Variants in PALS1 observed in about 807,000 individuals in gnomAD.
PALS1 encodes the protein protein PALS1.
Under a neutral mutation model 78.9 loss-of-function variants are expected in PALS1, and 31 were observed. The observed-to-expected ratio is 0.39, with a 90% CI of 0.30 to 0.53. PALS1 has a LOEUF of 0.53. PALS1 is among the 20% of genes least tolerant of loss of function. PALS1 has a pLI of 0.67. For missense variants in PALS1, 704 were observed against 826.5 expected, an observed-to-expected ratio of 0.85 and a Z score of 1.82; for synonymous variants, 276 against 270.9, an observed-to-expected ratio of 1.02 and a Z score of -0.18.
intron 3 of PALS1, among the ~76,000 whole-genome samples, chr14:67,281,088 C>T (rs149185738): frequency 0.011 from 1,602 of 151,504 alleles, 11 homozygotes; most frequent in Non-Finnish European, 0.016. Context: ...TAGTAGAGAC[C>T]GGGTTTCACC....
chr14:67,296,462 G>T (rs2084851901), intron 4 of PALS1, among the ~76,000 whole-genome samples: 1 of 151,552 alleles, frequency 6.6e-6, no homozygotes. Flanking sequence ...TTAGGCGGGT[G>T]TGGTGGTACT....
chr14:67,324,865 A>G (rs2085325972), intron 14 of PALS1, among the ~76,000 whole-genome samples: 2 of 148,164 alleles, frequency 1.3e-5, no homozygotes, highest in African/African-American at 5.0e-5. Context: ...CTTGGATTGC[A>G]GGTGTAAGCT....
At chr14:67,284,891 C>T (rs1423800278) in intron 3 of PALS1, among the ~76,000 whole-genome samples, 1 of 151,886 alleles carries the variant, frequency 6.6e-6, no homozygotes, top group Non-Finnish European at 1.5e-5. Context: ...TTTTTCCATT[C>T]GTCTAGGTTA....
At chr14:67,285,016 G>C (rs868487032) in intron 3 of PALS1, among the ~76,000 whole-genome samples, 4 of 152,112 alleles carry the variant, frequency 2.6e-5, no homozygotes, top group Admixed American at 1.3e-4. Context: ...CTTCCAAAGT[G>C]TTAGGATTAG....
At chr14:67,326,221 ATTTTTTTTTTT>A (rs760127048) in intron 14 of PALS1, among the ~76,000 whole-genome samples, 42 of 12,902 alleles carry the variant, frequency 3.3e-3, no homozygotes, top group East Asian at 6.3e-3. Context: ...TTTAGGTCTG[ATTTTTTTTTTT>A]TTTTTTTTTT....
intron 2 of PALS1, among the ~76,000 whole-genome samples, chr14:67,273,823 G>T (rs1363233551): frequency 6.6e-6 from 1 of 152,208 alleles, no homozygotes; most frequent in Admixed American, 6.5e-5. Flanking sequence ...TCTAACTGGT[G>T]TGAGATGGTA....
At chr14:67,319,026 C>A (rs1355285131) in intron 11 of PALS1, among the ~76,000 whole-genome samples, 1 of 151,780 alleles carries the variant, frequency 6.6e-6, no homozygotes, top group Non-Finnish European at 1.5e-5. Context: ...CCACTGCACT[C>A]CAGCCTGGGC....
chr14:67,291,506 A>G (rs1426521550), intron 3 of PALS1, among the ~76,000 whole-genome samples: 1 of 151,888 alleles, frequency 6.6e-6, no homozygotes, highest in African/African-American at 2.4e-5. Flanking sequence ...GCTGGTCTCG[A>G]ACTCCTGACC....
At chr14:67,325,401 T>A (rs1216682707) in intron 14 of PALS1, among the ~76,000 whole-genome samples, 4 of 152,182 alleles carry the variant, frequency 2.6e-5, no homozygotes, top group Non-Finnish European at 5.9e-5. Flanking sequence ...GGCTAGCTGG[T>A]TAAAGTAGTG....
intron 2 of PALS1, among the ~76,000 whole-genome samples, chr14:67,278,743 C>G (rs2084550612): frequency 6.6e-6 from 1 of 152,156 alleles, no homozygotes; most frequent in African/African-American, 2.4e-5. Context: ...TTTTACTTTC[C>G]TACTTTGCTA....
Position 67,320,329 on chromosome 14 carries a change from G to A in PALS1, c.1469G>A (p.Cys490Tyr), listed in dbSNP as rs1371331455. The change falls in exon 12 of 15, where the codon TGT (cysteine) becomes TAT (tyrosine). Residue 490 changes from cysteine (C) to tyrosine (Y), a missense_variant. Transcript: ENST00000261681. The part of the protein sequence containing the change: ...RPIILIGPQN[C>Y]GQNELRQRLM... ...ATCATCTTGATTGGTCCACAGAACTGTGGCCAGAATGAATTGCGTCAGAGG... is the reference window on the plus strand; with the variant it reads ...ATCATCTTGATTGGTCCACAGAACTATGGCCAGAATGAATTGCGTCAGAGG... 8.1e-6 allele frequency: 13 copies of A among 1,613,666 alleles called. No homozygotes were observed. Among genetic ancestry groups the A allele is most frequent in the Non-Finnish European group, 1.0e-5 (12 of 1,179,854 alleles).
At chr14:67,285,455 C>T (rs1333774190) in intron 3 of PALS1, among the ~76,000 whole-genome samples, 1 of 151,724 alleles carries the variant, frequency 6.6e-6, no homozygotes, top group Non-Finnish European at 1.5e-5. Context: ...CAAGCTCCAC[C>T]TCCCAGGTTC....
At chr14:67,272,533 A>G (rs114147854) in intron 2 of PALS1, among the ~76,000 whole-genome samples, 1 of 152,308 alleles carries the variant, frequency 6.6e-6, no homozygotes, top group African/African-American at 2.4e-5. Flanking sequence ...TGTAGTTGTT[A>G]CTACTACTAC....
intron 1 of PALS1, among the ~76,000 whole-genome samples, chr14:67,266,348 A>G (rs2084323380): frequency 6.6e-6 from 1 of 151,182 alleles, no homozygotes; most frequent in African/African-American, 2.4e-5. Flanking sequence ...TTTTTTTTTG[A>G]GGAGTCTCAC....
chr14:67,273,205 G>T (rs1240078105), intron 2 of PALS1, among the ~76,000 whole-genome samples: 1 of 151,154 alleles, frequency 6.6e-6, no homozygotes, highest in Non-Finnish European at 1.5e-5. Flanking sequence ...CCATGTTGGT[G>T]TGCTGCACCC....
At chr14:67,257,613 T>A (rs2084165192) in intron 1 of PALS1, among the ~76,000 whole-genome samples, 1 of 151,786 alleles carries the variant, frequency 6.6e-6, no homozygotes, top group Non-Finnish European at 1.5e-5. Context: ...AAAAAAGAAA[T>A]GGCATGTATG....
At chr14:67,286,702 T>C (rs1206111506) in intron 3 of PALS1, among the ~76,000 whole-genome samples, 1 of 147,756 alleles carries the variant, frequency 6.8e-6, no homozygotes, top group Non-Finnish European at 1.5e-5. Flanking sequence ...CCAAAAAAAA[T>C]ACAAAAATAG....
At chr14:67,311,480 A>G (rs988759624) in intron 8 of PALS1, among the ~76,000 whole-genome samples, 2 of 152,104 alleles carry the variant, frequency 1.3e-5, no homozygotes, top group Admixed American at 6.5e-5. Context: ...GCTCATTACA[A>G]ATTTGTGTGA....
intron 1 of PALS1, among the ~76,000 whole-genome samples, chr14:67,260,222 A>ATT (rs1567505768): frequency 6.6e-6 from 1 of 152,210 alleles, no homozygotes; most frequent in Non-Finnish European, 1.5e-5. Context: ...GAATGAGGAC[A>ATT]TTCCTCTACG....
Sources: gnomAD v4.1 joint callset for allele counts (sites outside exome capture counted in the v4.1 genomes callset) on GRCh38, gnomAD v4.1.1 for gene constraint, MANE v1.5 for transcripts, NCBI Gene and HGNC (gene_info 2026-07-23, HGNC 2026-07-21) for gene names.